The following EPPIN variants were observed in gnomAD, a reference collection of about 807,000 sequenced individuals.
The protein encoded by EPPIN is epididymal peptidase inhibitor, also known as WAP four-disulfide core domain protein 7.
In EPPIN, 14 loss-of-function variants were observed where a neutral mutation model predicts 18.8. That is an observed-to-expected ratio of 0.75 (90% CI 0.49 to 1.17). The LOEUF is 1.17. Among genes scored for constraint, EPPIN ranks in the 50% most tolerant of loss-of-function variants. EPPIN has a pLI of 0.00. For synonymous variants in EPPIN, 57 were observed against 54.8 expected (o/e 1.04, Z -0.18); for missense variants, 143 against 154.2 (o/e 0.93, Z 0.39).
In EPPIN at chr20:45,541,873, T is replaced by C. The variant is rs1600874428; in HGVS notation, c.*271A>G. Reference sequence around the variant, plus strand: ...ACATCAAGTACTTTACTGGAAAAAATTGAGAGTGACACAGGTATAAACTGG... The same window carrying C: ...ACATCAAGTACTTTACTGGAAAAAACTGAGAGTGACACAGGTATAAACTGG... On this transcript the variant is annotated 3_prime_UTR_variant, in exon 4 of 4. Coordinates refer to ENST00000354280, the MANE Select transcript of EPPIN (RefSeq NM_020398.4). 9.1e-6 allele frequency: 4 copies of C among 438,756 alleles called. No individual in the cohort carries two copies. The highest frequency in any genetic ancestry group is 1.6e-5 in the Non-Finnish European group (4 of 245,132). The allele number at this position is 438,756 out of a possible 1,614,324, so 27.2% of individuals were successfully genotyped here. A position where few individuals can be genotyped will look rare whatever the true frequency, so the allele number is the denominator to read the frequency against.
chr20:45,545,838 C>A lies in EPPIN; in HGVS notation c.92-68G>T, dbSNP rs765342353. The A allele has an allele frequency of 7.6e-6, 12 of 1,586,426 alleles. No individual in the cohort carries two copies. In the South Asian group the frequency reaches 1.4e-4, roughly 18 times the overall value. On this transcript the variant is annotated intron_variant, in intron 1 of 3. Transcript: ENST00000354280. ...TAGTGTCTCCCCACTTTGCCAGACA[C>A]AAGGCAATTCTAGAGAGTCAGGGAA...
intron 2 of EPPIN, chr20:45,544,254 C>T (rs1275922079): frequency 6.6e-6 from 1 of 152,160 alleles, no homozygotes; most frequent in African/African-American, 2.4e-5. Context: ...AGAGAAAAGG[C>T]ATGATCTCTG....
At chr20:45,542,527 G>C in intron 3 of EPPIN, 173 bp downstream of exon 3, 2 of 963,142 alleles carry the variant, frequency 2.1e-6, no homozygotes, top group Non-Finnish European at 3.1e-6. Context: ...CTCATACTCA[G>C]AAAGTAACTT....
chr20:45,541,905 T>C lies in EPPIN; in HGVS notation c.*239A>G, dbSNP rs535764356. On this transcript the variant is annotated 3_prime_UTR_variant, in exon 4 of 4. Coordinates refer to ENST00000354280, the MANE Select transcript of EPPIN (RefSeq NM_020398.4). ...TGACACAGGTATAAACTGGGAGTTC[T>C]AGAAGTTGGAGATAAAGGGGACATA... The C allele has an allele frequency of 5.8e-6, 3 of 515,312 alleles. No homozygotes were observed. Among genetic ancestry groups the C allele is most frequent in the African/African-American group, 1.9e-5 (1 of 52,204 alleles). 31.9% of individuals were successfully genotyped at this position (515,312 alleles called of 1,614,324 possible). A position where few individuals can be genotyped will look rare whatever the true frequency, so the allele number is the denominator to read the frequency against.
chr20:45,543,100 G>A (rs987323618), intron 2 of EPPIN: 5 of 580,432 alleles, frequency 8.6e-6, no homozygotes, highest in African/African-American at 3.8e-5. Flanking sequence ...GCTAAAATGA[G>A]GTCAGACCAA....
intron 2 of EPPIN, chr20:45,543,440 A>C (rs1979689230): frequency 6.6e-6 from 1 of 152,328 alleles, no homozygotes; most frequent in Admixed American, 6.5e-5. Context: ...CAACTCTACC[A>C]AACAAATGCA....
In EPPIN at chr20:45,540,841, A is replaced by G. The variant is rs1979555044; in HGVS notation, c.*1303T>C. 6.6e-6 allele frequency: 1 copy of G among 152,238 alleles called. No homozygotes were observed. The highest frequency in any genetic ancestry group is 2.1e-4 in the South Asian group (1 of 4,834). The allele number at this position is 152,238 out of a possible 1,614,324, so 9.4% of individuals were successfully genotyped here. A position where few individuals can be genotyped will look rare whatever the true frequency, so the allele number is the denominator to read the frequency against. ...GTTGGGAATGTAAATTGGTTCAACC[A>G]TTGTGGAAGAGAGTGTGCCAATTCC... On this transcript the variant is annotated 3_prime_UTR_variant, in exon 4 of 4. Transcript: ENST00000354280.
chr20:45,545,983 C>G (rs1341826778), intron 1 of EPPIN: 12 of 626,258 alleles, frequency 1.9e-5, no homozygotes, highest in East Asian at 1.4e-4. Context: ...TTCCCACCCC[C>G]CAGCTCCATC....
In EPPIN at chr20:45,545,936, C is replaced by T. The variant is rs1416075297; in HGVS notation, c.92-166G>A. 12 of 967,170 alleles carry T rather than the reference C, an allele frequency of 1.2e-5. No individual in the cohort carries two copies. In the Admixed American group the frequency reaches 3.3e-4, roughly 27 times the overall value. 59.9% of individuals were successfully genotyped at this position (967,170 alleles called of 1,614,324 possible). A position where few individuals can be genotyped will look rare whatever the true frequency, so the allele number is the denominator to read the frequency against. On this transcript the variant is annotated intron_variant, in intron 1 of 3. Transcript: ENST00000354280. ...GCCTCACTCATTTCCCTACTGCCTA[C>T]ACCCCCACCACTCCCCAGTGACCTC...
Position 45,542,739 on chromosome 20 carries a change from G to C in EPPIN, c.352C>G (p.Gln118Glu). 1 of 1,613,938 alleles carries C rather than the reference G, an allele frequency of 6.2e-7. No homozygotes were observed. Among genetic ancestry groups the C allele is most frequent in the Non-Finnish European group, 8.5e-7 (1 of 1,179,872 alleles). ...GTGTTCAGGCAGTTGGCTTTGGATT[G>C]GAAGTTGTTATTGTTTCCCTGGCAG... ...GGCQGNNNNF[Q>E]SKANCLNTCK... The change falls in exon 3 of 4, where the codon CAA becomes GAA. Residue 118 changes from glutamine (Q) to glutamate (E), a missense_variant. Coordinates refer to ENST00000354280, the MANE Select transcript of EPPIN (RefSeq NM_020398.4).
chr20:45,543,540 G>A (rs187328275), intron 2 of EPPIN: 2 of 152,262 alleles, frequency 1.3e-5, no homozygotes, highest in East Asian at 3.9e-4. Flanking sequence ...CCTCCTAATA[G>A]CTCACCTCTC....
At position 45,547,383 on chromosome 20, in the gene EPPIN, TG is replaced by T. The variant is rs1568990491; in HGVS notation, c.-27del. Reference sequence around the variant, plus strand: ...GTTGAAGAGAGGCCAGCCTTTCTGGTGGTTCCCGAATTTGGAATGCTCAGCT... The same window carrying T: ...GTTGAAGAGAGGCCAGCCTTTCTGGTGTTCCCGAATTTGGAATGCTCAGCT... On this transcript the variant is annotated 5_prime_UTR_variant, in exon 1 of 4. Coordinates refer to ENST00000354280, the MANE Select transcript of EPPIN (RefSeq NM_020398.4). 2 of 1,612,738 alleles carry T rather than the reference TG, an allele frequency of 1.2e-6. No homozygotes were observed. Among genetic ancestry groups the T allele is most frequent in the South Asian group, 1.1e-5 (1 of 91,042 alleles).
chr20:45,545,540 G>A (rs746265586), intron 2 of EPPIN, 99 bp downstream of exon 2: 1 of 1,587,860 alleles, frequency 6.3e-7, no homozygotes, highest in East Asian at 2.3e-5. Context: ...TTTTGCCAGA[G>A]ACCAGCCCTC....
chr20:45,546,014 C>T (rs978790459), intron 1 of EPPIN: 1 of 538,222 alleles, frequency 1.9e-6, no homozygotes, highest in Non-Finnish European at 3.2e-6. Flanking sequence ...CAGAATTTCT[C>T]AACCACTGGT....
chr20:45,545,597 A>G, intron 2 of EPPIN, 42 bp downstream of exon 2: 1 of 1,612,512 alleles, frequency 6.2e-7, no homozygotes, highest in South Asian at 1.1e-5. Flanking sequence ...AGGTGAGGAC[A>G]GGGGGAGGAG....
In EPPIN at chr20:45,547,256, C is replaced by T. The variant is rs1979872100; in HGVS notation, c.91+11G>A. 1 of 1,613,704 alleles carries T rather than the reference C, an allele frequency of 6.2e-7. No individual in the cohort carries two copies. The highest frequency in any genetic ancestry group is 1.7e-5 in the Admixed American group (1 of 59,972). On this transcript the variant is annotated intron_variant, in intron 1 of 3. Transcript: ENST00000354280. ...CCTCTCTCTAGGGTAAGGGCTGAGGCCAATACTTACTGGGAAATAACCAAT... is the reference window on the plus strand; with the variant it reads ...CCTCTCTCTAGGGTAAGGGCTGAGGTCAATACTTACTGGGAAATAACCAAT...
chr20:45,541,907 G>A lies in EPPIN; in HGVS notation c.*237C>T. On this transcript the variant is annotated 3_prime_UTR_variant, in exon 4 of 4. Coordinates refer to ENST00000354280, the MANE Select transcript of EPPIN (RefSeq NM_020398.4). ...ACACAGGTATAAACTGGGAGTTCTA[G>A]AAGTTGGAGATAAAGGGGACATAAA... is the stretch of plus-strand genomic sequence containing the variant. The A allele has an allele frequency of 1.9e-6, 1 of 516,574 alleles. No individual in the cohort carries two copies. The highest frequency in any genetic ancestry group is 3.5e-5 in the Admixed American group (1 of 28,372). The allele number at this position is 516,574 out of a possible 1,614,324, so 32.0% of individuals were successfully genotyped here.
At position 45,542,752 on chromosome 20, in the gene EPPIN, G is replaced by C. The variant is rs1461846375; in HGVS notation, c.339C>G (p.Asn113Lys). The change falls in exon 3 of 4, where the codon AAC becomes AAG. Residue 113 changes from asparagine (N) to lysine (K), a missense_variant. Physicochemically the swap from Asn to Lys is moderately conservative, Grantham distance 94. Coordinates refer to ENST00000354280, the MANE Select transcript of EPPIN (RefSeq NM_020398.4). The part of the protein sequence containing the change: ...SMFVYGGCQG[N>K]NNNFQSKANC... ...TGGCTTTGGATTGGAAGTTGTTATT[G>C]TTTCCCTGGCAGCCACCATAGACAA... 6 of 1,613,826 alleles carry C rather than the reference G, an allele frequency of 3.7e-6. No homozygotes were observed. The highest frequency in any genetic ancestry group is 5.1e-6 in the Non-Finnish European group (6 of 1,179,878).
In EPPIN at chr20:45,542,066, G is replaced by C; in HGVS notation, c.*78C>G. 6.3e-7 allele frequency: 1 copy of C among 1,576,350 alleles called. No individual in the cohort carries two copies. The highest frequency in any genetic ancestry group is 8.7e-7 in the Non-Finnish European group (1 of 1,155,458). On this transcript the variant is annotated 3_prime_UTR_variant, in exon 4 of 4. Coordinates refer to ENST00000354280, the MANE Select transcript of EPPIN (RefSeq NM_020398.4). The stretch of plus-strand genomic sequence containing the variant: ...GAGAGTGAAACTGGAAGCCAGTCTG[G>C]AGCATCCGTCAGGTACAGGAACAGT...
Sources: gnomAD v4.1 joint callset for allele counts on GRCh38, gnomAD v4.1.1 for gene constraint, MANE v1.5 for transcripts, NCBI Gene and HGNC (gene_info 2026-07-23, HGNC 2026-07-21) for gene names.